Variants in ADGRB3 observed in about 807,000 individuals in gnomAD.
The protein encoded by ADGRB3 is adhesion G protein-coupled receptor B3.
Under a neutral mutation model 193.4 loss-of-function variants are expected in ADGRB3, and 37 were observed. That is an observed-to-expected ratio of 0.19 (90% CI 0.15 to 0.25). The LOEUF (loss-of-function observed/expected upper bound fraction) is 0.25, where lower values mean the gene tolerates loss of function less well. Ranked by LOEUF, ADGRB3 falls within the 10% of genes least tolerant of loss-of-function variation. The pLI is 1.00. For synonymous variants in ADGRB3, 690 were observed against 644.2 expected (o/e 1.07, Z -1.08); for missense variants, 1,637 against 1,852.9 (o/e 0.88, Z 2.14).
At position 68,979,400 on chromosome 6, in the gene ADGRB3, G is replaced by A. The variant is rs529184767; in HGVS notation, c.1734+4060G>A. ...GTGACATCACTTTATGAAATTATTC[G>A]GCCATTGTATAACAATTTCAATTAG... On this transcript the variant is annotated intron_variant, in intron 10 of 31. Coordinates refer to ENST00000370598, the MANE Select transcript of ADGRB3 (RefSeq NM_001704.3). Among the ~76,000 whole-genome samples the A allele has an allele frequency of 3.3e-5, 5 of 151,182 alleles. No homozygotes were observed. In the East Asian group the frequency reaches 9.7e-4, roughly 29 times the overall value.
At chr6:69,340,942 A>G (rs796557707) in intron 26 of ADGRB3, among the ~76,000 whole-genome samples, 9 of 152,142 alleles carry the variant, frequency 5.9e-5, no homozygotes, top group African/African-American at 2.2e-4. Flanking sequence ...AATGACATGA[A>G]CTCATCCTTT....
intron 17 of ADGRB3, among the ~76,000 whole-genome samples, chr6:69,088,826 A>G (rs1006293354): frequency 1.2e-4 from 19 of 152,244 alleles, no homozygotes; most frequent in African/African-American, 4.6e-4. Context: ...ACTGCCTTTC[A>G]ACAACACCTA....
At chr6:69,226,543 G>A (rs1766019764) in intron 17 of ADGRB3, among the ~76,000 whole-genome samples, 3 of 152,190 alleles carry the variant, frequency 2.0e-5, no homozygotes, top group African/African-American at 7.2e-5. Flanking sequence ...GCTGTGATAG[G>A]TGCAATGGGC....
intron 10 of ADGRB3, among the ~76,000 whole-genome samples, chr6:68,979,899 A>G (rs1768858544): frequency 6.6e-6 from 1 of 151,350 alleles, no homozygotes; most frequent in Non-Finnish European, 1.5e-5. Flanking sequence ...ACATACATAC[A>G]AACACACACC....
At chr6:68,646,316 A>T (rs1157889152) in intron 3 of ADGRB3, among the ~76,000 whole-genome samples, 1 of 151,790 alleles carries the variant, frequency 6.6e-6, no homozygotes, top group Non-Finnish European at 1.5e-5. Flanking sequence ...GTCTCTACTA[A>T]GAATACAAAA....
chr6:68,707,708 T>A (rs1562001077), intron 3 of ADGRB3, among the ~76,000 whole-genome samples: 1 of 152,202 alleles, frequency 6.6e-6, no homozygotes, highest in Non-Finnish European at 1.5e-5. Flanking sequence ...AATTGATGGA[T>A]AAAATTGAGT....
intron 13 of ADGRB3, among the ~76,000 whole-genome samples, chr6:69,019,939 C>G (rs3757046): frequency 6.6e-6 from 1 of 151,662 alleles, no homozygotes; most frequent in African/African-American, 2.4e-5. Context: ...TCCATAGGAA[C>G]GGTATAACAT....
chr6:69,048,362 A>G (rs113726751), intron 14 of ADGRB3, 28 bp downstream of exon 14: 1 of 1,597,302 alleles, frequency 6.3e-7, no homozygotes, highest in East Asian at 2.2e-5. Flanking sequence ...TATGAGCTTG[A>G]ACAAGACATT....
At chr6:68,706,656 C>G (rs1451674103) in intron 3 of ADGRB3, among the ~76,000 whole-genome samples, 2 of 152,180 alleles carry the variant, frequency 1.3e-5, no homozygotes, top group African/African-American at 2.4e-5. Context: ...ATGGTATTGT[C>G]TGCTGTAGAA....
intron 3 of ADGRB3, among the ~76,000 whole-genome samples, chr6:68,906,972 A>G (rs1766565633): frequency 6.6e-6 from 1 of 151,902 alleles, no homozygotes; most frequent in Non-Finnish European, 1.5e-5. Context: ...TTATCCTGCC[A>G]CTTAACTGTG....
intron 3 of ADGRB3, among the ~76,000 whole-genome samples, chr6:68,762,904 G>A (rs1409870866): frequency 6.6e-6 from 1 of 152,100 alleles, no homozygotes; most frequent in Non-Finnish European, 1.5e-5. Context: ...GAGGGACATA[G>A]GGTTTAAAGA....
At chr6:68,960,953 AAAG>A (rs748921665) in intron 8 of ADGRB3, among the ~76,000 whole-genome samples, 30 of 152,194 alleles carry the variant, frequency 2.0e-4, no homozygotes, top group Non-Finnish European at 4.1e-4. Context: ...TAAAATTAAC[AAAG>A]AAGTGGAATA....
chr6:68,956,816 A>G lies in ADGRB3; in HGVS notation c.1525+7A>G. On this transcript the variant is annotated splice_region_variant and intron_variant, in intron 8 of 31. Transcript: ENST00000370598. ...AATGAGCAGCGATGCCCTGGTGAGA[A>G]TGAACCCAAATTATCCCAAAAGAAA... 1 of 1,604,962 alleles carries G rather than the reference A, an allele frequency of 6.2e-7. No homozygotes were observed. Among genetic ancestry groups the G allele is most frequent in the East Asian group, 2.2e-5 (1 of 44,662 alleles).
chr6:69,282,283 A>G (rs185519228), intron 20 of ADGRB3, among the ~76,000 whole-genome samples: 4 of 152,334 alleles, frequency 2.6e-5, no homozygotes, highest in African/African-American at 9.6e-5. Context: ...GCTTATTCCC[A>G]GAACTAAATG....
intron 26 of ADGRB3, among the ~76,000 whole-genome samples, chr6:69,346,651 A>G (rs1357505315): frequency 1.3e-5 from 2 of 152,242 alleles, no homozygotes; most frequent in African/African-American, 4.8e-5. Flanking sequence ...AACCTCAGTG[A>G]GATACCGTCT....
In ADGRB3 at chr6:69,163,733, G is replaced by T. The variant is rs941345042; in HGVS notation, c.2481-69557G>T. Among the ~76,000 whole-genome samples, 10 of 152,178 alleles carry T rather than the reference G, an allele frequency of 6.6e-5. No homozygotes were observed. In the South Asian group the frequency reaches 1.2e-3, roughly 19 times the overall value. On this transcript the variant is annotated intron_variant, in intron 17 of 31. Coordinates refer to ENST00000370598, the MANE Select transcript of ADGRB3 (RefSeq NM_001704.3). ...TTTCAAGGTAGAGTCCCTAGGTTTT[G>T]CAGTAACTACATTAAAAGTAATTAA... is the stretch of plus-strand genomic sequence containing the variant.
intron 20 of ADGRB3, among the ~76,000 whole-genome samples, chr6:69,289,173 A>G (rs751007979): frequency 6.6e-6 from 1 of 152,178 alleles, no homozygotes; most frequent in Admixed American, 6.5e-5. Context: ...AAGCAATTGT[A>G]AAAGAAGATG....
rs70987458 is a variant in ADGRB3, at chr6:69,210,170, A to AT, written c.2481-23120_2481-23119insT. 4.9e-4 allele frequency among the ~76,000 whole-genome samples: 64 copies of AT among 131,722 alleles called. 2 individuals are homozygous for AT. Among genetic ancestry groups the AT allele is most frequent in the African/African-American group, 1.4e-3 (46 of 33,472 alleles). The allele number at this position is 131,722 out of a possible 152,430, so 86.4% of individuals were successfully genotyped here. A position where few individuals can be genotyped will look rare whatever the true frequency, so the allele number is the denominator to read the frequency against. ...ATATCATATATATATATATATATAT[A>AT]AAGGGGAGTTTATTAAATATTAACT... On this transcript the variant is annotated intron_variant, in intron 17 of 31. Coordinates refer to ENST00000370598, the MANE Select transcript of ADGRB3 (RefSeq NM_001704.3).
intron 10 of ADGRB3, among the ~76,000 whole-genome samples, chr6:68,990,243 T>C (rs746111906): frequency 1.8e-4 from 27 of 152,154 alleles, no homozygotes; most frequent in Non-Finnish European, 1.0e-4. Flanking sequence ...ACAGTATGCA[T>C]GTGTTGTGGA....
Sources: gnomAD v4.1 joint callset for allele counts (sites outside exome capture counted in the v4.1 genomes callset) on GRCh38, gnomAD v4.1.1 for gene constraint, MANE v1.5 for transcripts, NCBI Gene and HGNC (gene_info 2026-07-23, HGNC 2026-07-21) for gene names.